CNTN3: variants seen among roughly 807,000 people sequenced by gnomAD.
CNTN3 encodes the protein contactin-3.
A neutral mutation model predicts 119.1 loss-of-function variants in CNTN3; 60 were observed. The ratio of observed to expected loss-of-function variants is 0.50; its 90% confidence interval spans 0.41 to 0.62. CNTN3 has a LOEUF of 0.62. CNTN3 is among the 20% of genes least tolerant of loss of function. CNTN3 has a pLI of 0.00. For synonymous variants in CNTN3, 450 were observed against 438.7 expected, an observed-to-expected ratio of 1.03 and a Z score of -0.32; for missense variants, 1,101 against 1,242.4, an observed-to-expected ratio of 0.89 and a Z score of 1.71.
intron 4 of CNTN3, among the ~76,000 whole-genome samples, chr3:74,456,758 A>AT (rs1403814186): frequency 2.0e-5 from 3 of 151,968 alleles, no homozygotes; most frequent in Non-Finnish European, 4.4e-5. Flanking sequence ...AATTGCTGTG[A>AT]TTTTTCCTTG....
chr3:74,437,399 T>C (rs1037678660), intron 4 of CNTN3, among the ~76,000 whole-genome samples: 10 of 151,960 alleles, frequency 6.6e-5, no homozygotes, highest in Non-Finnish European at 1.0e-4. Context: ...GAGGCAGAGC[T>C]TGCAGTGAGC....
Position 74,263,585 on chromosome 3 carries a change from A to G in CNTN3, c.*816T>C, listed in dbSNP as rs2106734332. ...CATTTGAATTTTGGAATATAACTGA[A>G]TGAAACAGAATGAAGCTTGAAAATC... On this transcript the variant is annotated 3_prime_UTR_variant, in exon 23 of 23. Transcript: ENST00000263665. 6.6e-6 allele frequency: 1 copy of G among 152,164 alleles called. No homozygotes were observed. Among genetic ancestry groups the G allele is most frequent in the African/African-American group, 2.4e-5 (1 of 41,542 alleles). The allele number at this position is 152,164 out of a possible 1,614,324, so 9.4% of individuals were successfully genotyped here. A position where few individuals can be genotyped will look rare whatever the true frequency, so the allele number is the denominator to read the frequency against.
rs140816641 is a variant in CNTN3 at position 74,295,568 on chromosome 3, C to G, written c.2402-332G>C. On this transcript the variant is annotated intron_variant, in intron 18 of 22. Coordinates refer to ENST00000263665, the MANE Select transcript of CNTN3 (RefSeq NM_020872.3). Reference sequence around the variant, plus strand: ...TTTCCTTCCCTTCATCTCATTCCTACTGCTTGGGAACTTCTCTGCCCACAG... The same window carrying G: ...TTTCCTTCCCTTCATCTCATTCCTAGTGCTTGGGAACTTCTCTGCCCACAG... 3.0e-3 allele frequency among the ~76,000 whole-genome samples: 453 copies of G among 152,132 alleles called. 6 individuals are homozygous for G. The highest frequency in any genetic ancestry group is 0.011 in the African/African-American group (438 of 41,510).
chr3:74,504,985 T>C (rs957646886), intron 2 of CNTN3, among the ~76,000 whole-genome samples: 5 of 152,084 alleles, frequency 3.3e-5, no homozygotes, highest in Non-Finnish European at 5.9e-5. Context: ...CTTCTGAGGG[T>C]TGTGAGAGAA....
At chr3:74,270,485 GA>G (rs62732261) in intron 20 of CNTN3, among the ~76,000 whole-genome samples, 3 of 151,802 alleles carry the variant, frequency 2.0e-5, no homozygotes, top group South Asian at 2.1e-4. Context: ...ATGAGTTGAA[GA>G]AAAAAAAGTA....
intron 1 of CNTN3, among the ~76,000 whole-genome samples, chr3:74,532,811 AG>A (rs1207098640): frequency 3.3e-5 from 5 of 152,042 alleles, no homozygotes; most frequent in Non-Finnish European, 7.4e-5. Context: ...ATGATACCTT[AG>A]ATAAGGGGGG....
intron 16 of CNTN3, among the ~76,000 whole-genome samples, chr3:74,300,306 T>A (rs1011773870): frequency 6.6e-6 from 1 of 152,190 alleles, no homozygotes; most frequent in Non-Finnish European, 1.5e-5. Context: ...AAGTAGAATA[T>A]AATTCTGAGA....
intron 1 of CNTN3, among the ~76,000 whole-genome samples, chr3:74,581,017 C>G (rs1013894191): frequency 6.6e-6 from 1 of 152,204 alleles, no homozygotes; most frequent in Non-Finnish European, 1.5e-5. Context: ...CCACCATGCT[C>G]AGCATGACTT....
chr3:74,427,589 T>C (rs992522361), intron 4 of CNTN3, among the ~76,000 whole-genome samples: 1 of 152,148 alleles, frequency 6.6e-6, no homozygotes, highest in African/African-American at 2.4e-5. Flanking sequence ...TTTTGGACTT[T>C]AAAAACAAAC....
chr3:74,557,268 G>T (rs563357427), intron 1 of CNTN3, among the ~76,000 whole-genome samples: 2 of 152,192 alleles, frequency 1.3e-5, no homozygotes, highest in Non-Finnish European at 2.9e-5. Flanking sequence ...TCTAGTTTTA[G>T]CTGTTGGAGT....
chr3:74,584,885 C>T (rs1319767594), intron 1 of CNTN3, among the ~76,000 whole-genome samples: 1 of 152,140 alleles, frequency 6.6e-6, no homozygotes, highest in Non-Finnish European at 1.5e-5. Context: ...TTATCATTAA[C>T]AACCCTGGCT....
At chr3:74,506,476 G>A (rs577522206) in intron 2 of CNTN3, among the ~76,000 whole-genome samples, 2 of 152,056 alleles carry the variant, frequency 1.3e-5, no homozygotes, top group South Asian at 2.1e-4. Context: ...TGGAGTCTTG[G>A]GAGATTAAAA....
chr3:74,441,507 G>C (rs1701966029), intron 4 of CNTN3, among the ~76,000 whole-genome samples: 1 of 152,142 alleles, frequency 6.6e-6, no homozygotes, highest in African/African-American at 2.4e-5. Flanking sequence ...ACAGGATGCT[G>C]GTTGACACAT....
intron 1 of CNTN3, among the ~76,000 whole-genome samples, chr3:74,538,092 T>C (rs1006932759): frequency 7.2e-5 from 11 of 152,044 alleles, no homozygotes; most frequent in Non-Finnish European, 1.6e-4. Flanking sequence ...GGATGAGAGT[T>C]TGCCCACCAA....
chr3:74,349,518 T>C lies in CNTN3; in HGVS notation c.1364+12372A>G, dbSNP rs976416598. Among the ~76,000 whole-genome samples, 48 of 152,350 alleles carry C rather than the reference T, an allele frequency of 3.2e-4. 2 individuals are homozygous for C. Among genetic ancestry groups the C allele is most frequent in the Middle Eastern group, 6.8e-3 (2 of 294 alleles). ...TACAGAATGCAAGGAGAATTCTGCT[T>C]CTTTCTCTTCTCCTTTCTTTTCAAA... On this transcript the variant is annotated intron_variant, in intron 11 of 22. Transcript: ENST00000263665.
At chr3:74,459,654 C>A (rs1423844535) in intron 4 of CNTN3, among the ~76,000 whole-genome samples, 1 of 151,932 alleles carries the variant, frequency 6.6e-6, no homozygotes, top group East Asian at 1.9e-4. Context: ...TGCTGAAACT[C>A]TTTTCCTCTA....
In CNTN3 at chr3:74,362,036, A is replaced by G; in HGVS notation, c.1218T>C (p.Ser406=). ...YSSAELKVVA[S]APDFSKNPMK... ...TTGGATTCTTTGAAAAATCTGGAGC[A>G]GAAGCTGAAAGGCAAGAAAGGAGAG... Residue 406 remains serine, a synonymous_variant, in exon 11 of 23, where the codon TCT becomes TCC. Coordinates refer to ENST00000263665, the MANE Select transcript of CNTN3 (RefSeq NM_020872.3). 1 of 1,613,146 alleles carries G rather than the reference A, an allele frequency of 6.2e-7. No homozygotes were observed. The highest frequency in any genetic ancestry group is 8.5e-7 in the Non-Finnish European group (1 of 1,179,444).
At chr3:74,435,393 T>G (rs1251089136) in intron 4 of CNTN3, among the ~76,000 whole-genome samples, 1 of 152,104 alleles carries the variant, frequency 6.6e-6, no homozygotes, top group East Asian at 1.9e-4. Flanking sequence ...CCCAGGCCAG[T>G]CACAAACTCT....
intron 1 of CNTN3, among the ~76,000 whole-genome samples, chr3:74,608,402 G>A (rs1385271027): frequency 6.6e-6 from 1 of 152,138 alleles, no homozygotes; most frequent in East Asian, 1.9e-4. Flanking sequence ...CAGTCATTTA[G>A]TTATTTCTTT....
Sources: allele counts gnomAD v4.1 joint callset (sites outside exome capture counted in the v4.1 genomes callset), GRCh38; gene constraint gnomAD v4.1.1; transcripts MANE v1.5; gene names NCBI Gene and HGNC (gene_info 2026-07-23, HGNC 2026-07-21).